The following WDR70 variants were observed in gnomAD, a reference collection of about 807,000 sequenced individuals.
WDR70 encodes the protein WD repeat domain 70, also known as WD repeat-containing protein 70.
In WDR70, 53 loss-of-function variants were observed where a neutral mutation model predicts 88.6. The ratio of observed to expected loss-of-function variants is 0.60; its 90% CI spans 0.48 to 0.75. The LOEUF (loss-of-function observed/expected upper bound fraction) is 0.75. Ranked by LOEUF, WDR70 falls within the 30% of genes least tolerant of loss-of-function variation. The probability of loss-of-function intolerance (pLI) is 0.00; values close to 1 mark genes in which losing one functional copy is unlikely to be tolerated. For missense variants in WDR70, 610 were observed against 823.2 expected, an observed-to-expected ratio of 0.74 and a Z score of 3.17; for synonymous variants, 280 against 270.0, an observed-to-expected ratio of 1.04 and a Z score of -0.36.
chr5:37,426,847 C>T (rs898177992), intron 5 of WDR70, among the ~76,000 whole-genome samples: 11 of 150,418 alleles, frequency 7.3e-5, no homozygotes, highest in East Asian at 1.9e-4. Context: ...AATACAGTCA[C>T]GGCTCACTGT....
At chr5:37,695,996 A>G (rs1279426031) in intron 10 of WDR70, among the ~76,000 whole-genome samples, 1 of 151,962 alleles carries the variant, frequency 6.6e-6, no homozygotes, top group Non-Finnish European at 1.5e-5. Context: ...TTTCTCCCTC[A>G]TTGTCAAGTT....
intron 8 of WDR70, among the ~76,000 whole-genome samples, chr5:37,514,215 C>T (rs1740807497): frequency 6.7e-6 from 1 of 150,306 alleles, no homozygotes; most frequent in Non-Finnish European, 1.5e-5. Flanking sequence ...GACAGGATCT[C>T]ACTCTGTTGC....
chr5:37,495,548 C>T (rs1740192017), intron 8 of WDR70, among the ~76,000 whole-genome samples: 1 of 152,018 alleles, frequency 6.6e-6, no homozygotes, highest in South Asian at 2.1e-4. Flanking sequence ...TGTCCTCTCT[C>T]AAAGTATAGC....
intron 7 of WDR70, among the ~76,000 whole-genome samples, chr5:37,452,638 G>A (rs1232722322): frequency 6.6e-6 from 1 of 152,162 alleles, no homozygotes; most frequent in Non-Finnish European, 1.5e-5. Flanking sequence ...CTATAACTCA[G>A]CTAAATTCCC....
intron 5 of WDR70, among the ~76,000 whole-genome samples, chr5:37,422,679 T>C (rs1749982253): frequency 6.6e-6 from 1 of 152,054 alleles, no homozygotes; most frequent in South Asian, 2.1e-4. Context: ...AGTTTCATCA[T>C]GTTGGCCAGG....
intron 8 of WDR70, among the ~76,000 whole-genome samples, chr5:37,514,295 T>G (rs1740811293): frequency 7.3e-6 from 1 of 137,888 alleles, no homozygotes; most frequent in South Asian, 2.5e-4. Flanking sequence ...GCTGGGATTA[T>G]AGTTGTGAGC....
chr5:37,392,690 G>T (rs1748876303), intron 4 of WDR70, among the ~76,000 whole-genome samples: 1 of 151,862 alleles, frequency 6.6e-6, no homozygotes, highest in Admixed American at 6.6e-5. Context: ...TTTCGCCCAG[G>T]CTGGAGTGCA....
At chr5:37,612,195 A>G (rs1169471851) in intron 10 of WDR70, among the ~76,000 whole-genome samples, 1 of 152,258 alleles carries the variant, frequency 6.6e-6, no homozygotes, top group Non-Finnish European at 1.5e-5. Context: ...ATCTTTGAGA[A>G]AAAAGATCAT....
intron 7 of WDR70, among the ~76,000 whole-genome samples, chr5:37,455,894 T>A (rs967144540): frequency 3.3e-5 from 5 of 152,120 alleles, no homozygotes; most frequent in African/African-American, 7.2e-5. Flanking sequence ...GACCCCCAGG[T>A]AACCACTGAT....
chr5:37,669,444 G>T (rs1044762225), intron 10 of WDR70, among the ~76,000 whole-genome samples: 2 of 151,486 alleles, frequency 1.3e-5, no homozygotes, highest in African/African-American at 2.4e-5. Context: ...CAGGGGTCTT[G>T]CTCTGTAGCC....
chr5:37,441,464 A>G (rs565391359), intron 6 of WDR70, among the ~76,000 whole-genome samples: 1 of 152,296 alleles, frequency 6.6e-6, no homozygotes, highest in African/African-American at 2.4e-5. Flanking sequence ...TTATAATTAT[A>G]TTAATTACAT....
At chr5:37,588,557 A>G (rs1242584584) in intron 9 of WDR70, among the ~76,000 whole-genome samples, 4 of 147,676 alleles carry the variant, frequency 2.7e-5, no homozygotes, top group South Asian at 2.2e-4. Context: ...CACTCTCCAT[A>G]CTATATTTAA....
chr5:37,607,545 C>T (rs998337296), intron 10 of WDR70, among the ~76,000 whole-genome samples: 3 of 152,114 alleles, frequency 2.0e-5, no homozygotes, highest in South Asian at 2.1e-4. Flanking sequence ...TCAAGACCTA[C>T]GTTTACTCTA....
At chr5:37,593,466 A>G (rs1488312028) in intron 9 of WDR70, among the ~76,000 whole-genome samples, 2 of 152,216 alleles carry the variant, frequency 1.3e-5, no homozygotes, top group Non-Finnish European at 2.9e-5. Context: ...ATGCCCCTGC[A>G]AAGGACATGA....
At chr5:37,605,283 C>G (rs762825929) in intron 10 of WDR70, 45 bp downstream of exon 10, 1 of 1,531,636 alleles carries the variant, frequency 6.5e-7, no homozygotes, top group Non-Finnish European at 8.8e-7. Context: ...TAAATCTTTC[C>G]TTAGAAGATG....
At chr5:37,588,400 T>C (rs113418094) in intron 9 of WDR70, among the ~76,000 whole-genome samples, 1 of 152,080 alleles carries the variant, frequency 6.6e-6, no homozygotes, top group South Asian at 2.1e-4. Flanking sequence ...TTTTGTGAAC[T>C]TCATGATAGG....
chr5:37,740,130 G>A (rs1748430705), intron 17 of WDR70, among the ~76,000 whole-genome samples: 2 of 151,970 alleles, frequency 1.3e-5, no homozygotes. Context: ...CTGTGCCAAG[G>A]GCAAATTAGA....
intron 10 of WDR70, among the ~76,000 whole-genome samples, chr5:37,686,372 AGACT>A (rs1429296826): frequency 6.6e-6 from 1 of 152,178 alleles, no homozygotes; most frequent in African/African-American, 2.4e-5. Flanking sequence ...ATAATTTGTC[AGACT>A]GTCAGAGAAG....
chr5:37,658,225 A>C (rs1278781583), intron 10 of WDR70, among the ~76,000 whole-genome samples: 1 of 151,998 alleles, frequency 6.6e-6, no homozygotes, highest in Non-Finnish European at 1.5e-5. Context: ...TAGCATAGGC[A>C]GGGCAAAGTC....
Sources: allele counts gnomAD v4.1 joint callset (sites outside exome capture counted in the v4.1 genomes callset), GRCh38; gene constraint gnomAD v4.1.1; transcripts MANE v1.5; gene names NCBI Gene and HGNC (gene_info 2026-07-23, HGNC 2026-07-21).